LARP4: variants seen among roughly 807,000 people sequenced by gnomAD.
LARP4 encodes La ribonucleoprotein 4.
In LARP4, 29 loss-of-function variants were observed where a neutral mutation model predicts 92.9. The ratio of observed to expected loss-of-function variants is 0.31; its 90% CI spans 0.23 to 0.43. LARP4 has a LOEUF of 0.43. LARP4 is among the 20% of genes least tolerant of loss of function. LARP4 has a pLI of 1.00. For missense variants in LARP4, 732 were observed against 860.0 expected (o/e 0.85, Z 1.86); for synonymous variants, 279 against 284.1 (o/e 0.98, Z 0.18).
At chr12:50,454,564 TTAATC>T (rs1210256907) in intron 10 of LARP4, 147 bp downstream of exon 10, 13 of 511,482 alleles carry the variant, frequency 2.5e-5, no homozygotes, top group African/African-American at 2.3e-4. Context: ...TATGAACAGT[TTAATC>T]TAGAATTCGT....
rs141198276 is a variant in LARP4 at position 50,426,995 on chromosome 12, C to T, written c.19-767C>T. Among the ~76,000 whole-genome samples the T allele has an allele frequency of 4.2e-3, 642 of 152,100 alleles. 5 individuals are homozygous for T. Among genetic ancestry groups the T allele is most frequent in the African/African-American group, 0.015 (603 of 41,500 alleles). ...TCAAGTGATCCGCCCGCCTTGGCCTCCCAAAGTATTGGGATTATAGGAATG... is the reference window on the plus strand; with the variant it reads ...TCAAGTGATCCGCCCGCCTTGGCCTTCCAAAGTATTGGGATTATAGGAATG... On this transcript the variant is annotated intron_variant, in intron 1 of 15. Coordinates refer to ENST00000398473, the MANE Select transcript of LARP4 (RefSeq NM_052879.5).
In LARP4 at chr12:50,479,056, T is replaced by G. The variant is rs2139292421; in HGVS notation, c.*3192T>G. ...TTGGAAAGGCTTAATGATGGAATGTTAGCATCTTCACTAGGGTAAAGAAGA... is the reference window on the plus strand; with the variant it reads ...TTGGAAAGGCTTAATGATGGAATGTGAGCATCTTCACTAGGGTAAAGAAGA... On this transcript the variant is annotated 3_prime_UTR_variant, in exon 16 of 16. Transcript: ENST00000398473. 6.5e-6 allele frequency: 1 copy of G among 152,754 alleles called. No individual in the cohort carries two copies. The highest frequency in any genetic ancestry group is 1.5e-5 in the Non-Finnish European group (1 of 68,012). The allele number at this position is 152,754 out of a possible 1,614,324, so 9.5% of individuals were successfully genotyped here. A position where few individuals can be genotyped will look rare whatever the true frequency, so the allele number is the denominator to read the frequency against.
intron 5 of LARP4, among the ~76,000 whole-genome samples, chr12:50,437,432 T>C (rs1398792512): frequency 1.3e-5 from 2 of 151,818 alleles, no homozygotes; most frequent in Non-Finnish European, 3.0e-5. Context: ...TTGGTTATTA[T>C]ATACAAGAAA....
intron 8 of LARP4, among the ~76,000 whole-genome samples, chr12:50,444,496 A>G (rs374809887): frequency 6.6e-6 from 1 of 152,308 alleles, no homozygotes; most frequent in East Asian, 1.9e-4. Context: ...ACCATTTATT[A>G]AAATCAAATG....
In LARP4 at chr12:50,429,038, T is replaced by C. The variant is rs778127289; in HGVS notation, c.270T>C (p.Asp90=). ...RNTTGIEEST[D]GMILGPEDLS... ...CTACAGGCATTGAAGAATCAACTGA[T>C]GGGATGATTTTAGGACCAGAAGATC... The change falls in exon 3 of 16, where the codon GAT becomes GAC. Residue 90 remains aspartate (D), a synonymous_variant. Transcript: ENST00000398473. 1.9e-6 allele frequency: 3 copies of C among 1,612,216 alleles called. No individual in the cohort carries two copies. In the African/African-American group the frequency reaches 4.0e-5, roughly 22 times the overall value.
intron 13 of LARP4, among the ~76,000 whole-genome samples, chr12:50,471,138 T>C (rs907940244): frequency 2.0e-5 from 3 of 152,058 alleles, no homozygotes; most frequent in Non-Finnish European, 2.9e-5. Flanking sequence ...AAAATAATAA[T>C]TTAAAAATAA....
intron 4 of LARP4, among the ~76,000 whole-genome samples, chr12:50,432,510 A>T (rs952952044): frequency 4.6e-5 from 7 of 152,170 alleles, no homozygotes; most frequent in Admixed American, 3.3e-4. Context: ...TAGATCTCTA[A>T]TACAGAGGTT....
chr12:50,454,786 A>G (rs750922707), intron 10 of LARP4: 5 of 170,160 alleles, frequency 2.9e-5, no homozygotes, highest in Non-Finnish European at 6.3e-5. Context: ...GAATTGTGTA[A>G]TAAATGTTGG....
intron 4 of LARP4, among the ~76,000 whole-genome samples, chr12:50,435,046 T>C (rs1950215843): frequency 6.6e-6 from 1 of 152,126 alleles, no homozygotes; most frequent in East Asian, 1.9e-4. Context: ...AGACTCTGTC[T>C]CAGGAAAAAA....
chr12:50,406,621 G>A (rs930218801), intron 1 of LARP4, among the ~76,000 whole-genome samples: 140 of 152,236 alleles, frequency 9.2e-4, no homozygotes, highest in African/African-American at 3.1e-3. Context: ...AAGCAATCTG[G>A]CCTCAGCCTC....
At chr12:50,468,333 G>C (rs1435887808) in intron 13 of LARP4, among the ~76,000 whole-genome samples, 1 of 147,034 alleles carries the variant, frequency 6.8e-6, no homozygotes, top group Admixed American at 7.0e-5. Context: ...CTCGCTCGTA[G>C]CCCAGGCTGG....
chr12:50,473,144 A>G (rs1216678557), intron 13 of LARP4, among the ~76,000 whole-genome samples: 1 of 152,186 alleles, frequency 6.6e-6, no homozygotes, highest in Non-Finnish European at 1.5e-5. Flanking sequence ...AGGAACTGCT[A>G]CATTGCTTTC....
Position 50,478,161 on chromosome 12 carries a change from G to A in LARP4, c.*2297G>A, listed in dbSNP as rs957094002. On this transcript the variant is annotated 3_prime_UTR_variant, in exon 16 of 16. Transcript: ENST00000398473. ...AGAGCCTTCTTTTAGAAGAAAGCAAGTATATTTTTGCTTTTACTTCAAATG... is the reference window on the plus strand; with the variant it reads ...AGAGCCTTCTTTTAGAAGAAAGCAAATATATTTTTGCTTTTACTTCAAATG... 3.9e-5 allele frequency: 6 copies of A among 152,326 alleles called. No homozygotes were observed. The highest frequency in any genetic ancestry group is 1.4e-4 in the African/African-American group (6 of 41,440). The allele number at this position is 152,326 out of a possible 1,614,324, so 9.4% of individuals were successfully genotyped here. A position where few individuals can be genotyped will look rare whatever the true frequency, so the allele number is the denominator to read the frequency against.
chr12:50,402,024 G>A (rs930424017), intron 1 of LARP4, among the ~76,000 whole-genome samples: 4 of 151,952 alleles, frequency 2.6e-5, no homozygotes, highest in Non-Finnish European at 5.9e-5. Context: ...TCGCAACTTG[G>A]CATTTGTTAA....
intron 15 of LARP4, among the ~76,000 whole-genome samples, chr12:50,474,669 T>C (rs1040181888): frequency 6.6e-6 from 1 of 152,124 alleles, no homozygotes; most frequent in Non-Finnish European, 1.5e-5. Context: ...TTTGATTGCT[T>C]TTTTTCTGTT....
chr12:50,437,066 A>G (rs1209995006), intron 5 of LARP4, among the ~76,000 whole-genome samples: 1 of 152,174 alleles, frequency 6.6e-6, no homozygotes, highest in Non-Finnish European at 1.5e-5. Flanking sequence ...CACTTATTAT[A>G]CCTATGCCAT....
intron 1 of LARP4, among the ~76,000 whole-genome samples, chr12:50,418,112 T>A (rs1017644353): frequency 6.6e-6 from 1 of 152,210 alleles, no homozygotes; most frequent in African/African-American, 2.4e-5. Context: ...CCACCCGCCT[T>A]GGCCTCCCAA....
At chr12:50,439,784 T>C (rs1260736397) in intron 6 of LARP4, among the ~76,000 whole-genome samples, 5 of 152,218 alleles carry the variant, frequency 3.3e-5, no homozygotes, top group African/African-American at 1.2e-4. Flanking sequence ...AATTTTTTTT[T>C]TTAATAAGCT....
chr12:50,462,474 C>T, intron 11 of LARP4, 108 bp from the exon 12 acceptor site: 2 of 566,158 alleles, frequency 3.5e-6, no homozygotes, highest in Non-Finnish European at 5.6e-6. Flanking sequence ...GAGACTCCAT[C>T]TCAAAAAAAA....
Sources: gnomAD v4.1 joint callset for allele counts (sites outside exome capture counted in the v4.1 genomes callset) on GRCh38, gnomAD v4.1.1 for gene constraint, MANE v1.5 for transcripts, NCBI Gene and HGNC (gene_info 2026-07-23, HGNC 2026-07-21) for gene names.